The following SNX24 variants were observed in gnomAD, a reference collection of about 807,000 sequenced individuals.
SNX24 encodes the protein sorting nexin 24.
In SNX24, 22 loss-of-function variants were observed where a neutral mutation model predicts 28.7. That is an observed-to-expected ratio of 0.77 (90% CI 0.55 to 1.10). The LOEUF is 1.10. Among genes scored for constraint, SNX24 ranks in the 50% least tolerant of loss-of-function variants. The pLI is 0.00. For missense variants in SNX24, 221 were observed against 201.1 expected (o/e 1.10, Z -0.60); for synonymous variants, 69 against 71.5 (o/e 0.96, Z 0.18).
At chr5:123,022,183 C>A (rs1762771025) in intron 5 of SNX24, 1 of 152,180 alleles carries the variant, frequency 6.6e-6, no homozygotes, top group Admixed American at 6.5e-5. Context: ...CTTGGCAGAT[C>A]AAAGACCCTC....
At chr5:122,908,277 C>G (rs1196787193) in intron 1 of SNX24, among the ~76,000 whole-genome samples, 1 of 152,190 alleles carries the variant, frequency 6.6e-6, no homozygotes, top group African/African-American at 2.4e-5. Flanking sequence ...TCACTGCTGT[C>G]AGATGTCATT....
At position 122,867,786 on chromosome 5, in the gene SNX24, T is replaced by C. The variant is rs1755786637; in HGVS notation, c.60+22093T>C. Among the ~76,000 whole-genome samples, 3 of 152,196 alleles carry C rather than the reference T, an allele frequency of 2.0e-5. No individual in the cohort carries two copies. In the South Asian group the frequency reaches 6.2e-4, roughly 32 times the overall value. The stretch of plus-strand genomic sequence containing the variant: ...TGAGACACAAATACCTTCACAGTTT[T>C]TTGTCATTTACTGTTTAGAGAGGTC... On this transcript the variant is annotated intron_variant, in intron 1 of 6. Transcript: ENST00000261369.
At chr5:122,959,682 A>AT (rs1351366856) in intron 3 of SNX24, among the ~76,000 whole-genome samples, 1 of 149,776 alleles carries the variant, frequency 6.7e-6, no homozygotes, top group Non-Finnish European at 1.5e-5. Context: ...TTTTTTTTTT[A>AT]TTTTTTTGAT....
chr5:122,953,241 A>G (rs948653320), intron 3 of SNX24, among the ~76,000 whole-genome samples: 7 of 152,060 alleles, frequency 4.6e-5, no homozygotes, highest in African/African-American at 1.7e-4. Flanking sequence ...AGTGGCTGGG[A>G]TTACAGGCAC....
At chr5:122,915,821 AG>A (rs1429100659) in intron 1 of SNX24, among the ~76,000 whole-genome samples, 3 of 152,176 alleles carry the variant, frequency 2.0e-5, no homozygotes, top group Non-Finnish European at 4.4e-5. Context: ...CCAGTCCCAC[AG>A]TCTCAGTTCC....
chr5:123,014,132 G>T (rs1367747007), downstream of SNX24, among the ~76,000 whole-genome samples: 2 of 152,074 alleles, frequency 1.3e-5, no homozygotes, highest in African/African-American at 4.8e-5. Flanking sequence ...AAGCTTGGGC[G>T]AATCCAGTCC....
intron 3 of SNX24, among the ~76,000 whole-genome samples, chr5:122,968,326 A>G (rs1292447981): frequency 6.6e-6 from 1 of 152,194 alleles, no homozygotes; most frequent in Non-Finnish European, 1.5e-5. Context: ...CAGCCTGGGC[A>G]ACAGAGCGAG....
At position 122,984,070 on chromosome 5, in the gene SNX24, C is replaced by T. The variant is rs527564962; in HGVS notation, c.250-15842C>T. Among the ~76,000 whole-genome samples, 3 of 152,228 alleles carry T rather than the reference C, an allele frequency of 2.0e-5. No individual in the cohort carries two copies. The South Asian group carries it at 6.2e-4, about 32-fold the overall frequency. On this transcript the variant is annotated intron_variant, in intron 3 of 6. Transcript: ENST00000261369. ...TGAAGAAATGCCTATTCTATCAAAA[C>T]TGGGTTTACTGATGGAGAGTTCAGT...
chr5:122,903,021 C>T (rs1581726124), intron 1 of SNX24, among the ~76,000 whole-genome samples: 1 of 152,194 alleles, frequency 6.6e-6, no homozygotes, highest in Non-Finnish European at 1.5e-5. Flanking sequence ...ACAGAGAACT[C>T]AGTACCCCAC....
downstream of SNX24, among the ~76,000 whole-genome samples, chr5:123,013,298 A>G (rs1762624939): frequency 6.6e-6 from 1 of 152,248 alleles, no homozygotes; most frequent in Admixed American, 6.5e-5. Context: ...GCCATTTACT[A>G]GGAAGGGTTT....
At chr5:122,953,535 A>C (rs1484591136) in intron 3 of SNX24, among the ~76,000 whole-genome samples, 1 of 151,656 alleles carries the variant, frequency 6.6e-6, no homozygotes, top group Non-Finnish European at 1.5e-5. Context: ...CAGAAAAAAA[A>C]AAACAAACGA....
chr5:122,929,075 T>C (rs1758836293), intron 1 of SNX24, among the ~76,000 whole-genome samples: 1 of 152,078 alleles, frequency 6.6e-6, no homozygotes, highest in South Asian at 2.1e-4. Flanking sequence ...TTGTTGTATC[T>C]CCAATGACTA....
chr5:123,004,668 A>G (rs995922718), intron 6 of SNX24, among the ~76,000 whole-genome samples: 5 of 152,108 alleles, frequency 3.3e-5, no homozygotes, highest in African/African-American at 1.2e-4. Context: ...GGCCTGCCCC[A>G]GGCTCATGTT....
chr5:122,848,764 C>T (rs1754767591), intron 1 of SNX24, among the ~76,000 whole-genome samples: 1 of 152,082 alleles, frequency 6.6e-6, no homozygotes, highest in African/African-American at 2.4e-5. Flanking sequence ...CTAACAAATT[C>T]AGTAATAGGA....
intron 1 of SNX24, among the ~76,000 whole-genome samples, chr5:122,894,861 G>A (rs1006367543): frequency 6.6e-6 from 1 of 152,166 alleles, no homozygotes; most frequent in Admixed American, 6.5e-5. Flanking sequence ...TATATGGGAA[G>A]TAACTGTTAT....
At chr5:122,875,658 A>G (rs1455914114) in intron 1 of SNX24, among the ~76,000 whole-genome samples, 1 of 152,272 alleles carries the variant, frequency 6.6e-6, no homozygotes, top group Non-Finnish European at 1.5e-5. Context: ...TAAAGCCATT[A>G]CTTTCAGTGG....
rs182828885 is a variant in SNX24 at position 122,873,801 on chromosome 5, T to C, written c.60+28108T>C. Among the ~76,000 whole-genome samples, 10 of 150,414 alleles carry C rather than the reference T, an allele frequency of 6.6e-5. No homozygotes were observed. The East Asian group carries it at 1.9e-3, about 29-fold the overall frequency. Reference sequence around the variant, plus strand: ...TTTTTTTGAGATGGAGTTTCACTCTTGTCACCCAGGCTGGAGTGCAATGGC... The same window carrying C: ...TTTTTTTGAGATGGAGTTTCACTCTCGTCACCCAGGCTGGAGTGCAATGGC... On this transcript the variant is annotated intron_variant, in intron 1 of 6. Transcript: ENST00000261369.
rs1377014725 is a variant in SNX24, at chr5:122,951,275, AAAAAAAAG to A, written c.249+5122_249+5129del. Reference sequence around the variant, plus strand: ...GAGTGAGACTCTGTCTCAAAAAAAAAAAAAAAAGAAAAAGAAAAGAAAATTTAAAGTCA... The same window carrying A: ...GAGTGAGACTCTGTCTCAAAAAAAAAAAAAAGAAAAGAAAATTTAAAGTCA... On this transcript the variant is annotated intron_variant, in intron 3 of 6. Coordinates refer to ENST00000261369, the MANE Select transcript of SNX24 (RefSeq NM_014035.4). Among the ~76,000 whole-genome samples the A allele has an allele frequency of 2.7e-5, 4 of 150,306 alleles. 1 individual carries two copies. Among genetic ancestry groups the A allele is most frequent in the African/African-American group, 7.3e-5 (3 of 40,934 alleles).
intron 1 of SNX24, among the ~76,000 whole-genome samples, chr5:122,868,273 G>A (rs188149900): frequency 6.6e-6 from 1 of 152,198 alleles, no homozygotes; most frequent in African/African-American, 2.4e-5. Flanking sequence ...TCCATTTGAT[G>A]ATGGAGTGCT....
Sources: gnomAD v4.1 joint callset for allele counts (sites outside exome capture counted in the v4.1 genomes callset) on GRCh38, gnomAD v4.1.1 for gene constraint, MANE v1.5 for transcripts, NCBI Gene and HGNC (gene_info 2026-07-23, HGNC 2026-07-21) for gene names.